Variants in BBS9 observed in about 807,000 individuals in gnomAD.
BBS9 encodes the protein protein PTHB1.
BBS9 carries 89 observed loss-of-function variants against 117.7 expected under a neutral mutation model. The ratio of observed to expected loss-of-function variants is 0.76; its 90% CI spans 0.64 to 0.90. The LOEUF (loss-of-function observed/expected upper bound fraction) is 0.90. Among genes scored for constraint, BBS9 ranks in the 40% least tolerant of loss-of-function variants. The pLI is 0.00. For synonymous variants in BBS9, 379 were observed against 370.9 expected, an observed-to-expected ratio of 1.02 and a Z score of -0.25; for missense variants, 982 against 1,042.2, an observed-to-expected ratio of 0.94 and a Z score of 0.80.
chr7:33,323,066 T>G (rs981172370), intron 9 of BBS9, among the ~76,000 whole-genome samples: 22 of 152,316 alleles, frequency 1.4e-4, no homozygotes, highest in African/African-American at 4.8e-4. Context: ...TGTTATTGAT[T>G]TCTAGTTTTA....
chr7:33,561,017 C>G (rs142163373), intron 21 of BBS9, among the ~76,000 whole-genome samples: 13 of 152,272 alleles, frequency 8.5e-5, no homozygotes, highest in African/African-American at 3.1e-4. Context: ...GCCTTTTTCT[C>G]CTTATGCTAC....
chr7:33,156,635 C>T (rs1003823219), intron 4 of BBS9, among the ~76,000 whole-genome samples: 1 of 152,086 alleles, frequency 6.6e-6, no homozygotes, highest in African/African-American at 2.4e-5. Context: ...GGTAACCTGG[C>T]GTGGTATATG....
intron 8 of BBS9, 54 bp from the exon 9 acceptor site, chr7:33,273,773 C>T (rs1299807601): frequency 1.9e-6 from 3 of 1,548,684 alleles, no homozygotes; most frequent in Non-Finnish European, 1.8e-6. Flanking sequence ...AAGAGATATA[C>T]TTTTCCAAAT....
intron 19 of BBS9, among the ~76,000 whole-genome samples, chr7:33,399,501 C>T (rs1360450118): frequency 3.9e-5 from 6 of 152,186 alleles, no homozygotes; most frequent in Non-Finnish European, 7.3e-5. Flanking sequence ...TGAGCTTCAC[C>T]TTCTTCACTT....
chr7:33,487,159 C>T (rs1424968835), intron 19 of BBS9, among the ~76,000 whole-genome samples: 1 of 152,176 alleles, frequency 6.6e-6, no homozygotes, highest in East Asian at 1.9e-4. Context: ...CCAATCTTTA[C>T]TCTTAAATAG....
At chr7:33,247,753 T>A (rs1795580734) in intron 5 of BBS9, among the ~76,000 whole-genome samples, 7 of 152,216 alleles carry the variant, frequency 4.6e-5, no homozygotes, top group Admixed American at 4.6e-4. Context: ...ATTTGTTGAA[T>A]GAATATGAGT....
chr7:33,318,341 TGAAA>T (rs879896053), intron 9 of BBS9, among the ~76,000 whole-genome samples: 2 of 152,150 alleles, frequency 1.3e-5, no homozygotes, highest in Admixed American at 6.5e-5. Flanking sequence ...TGGTCCTTCT[TGAAA>T]GAAGCTTTTA....
chr7:33,300,076 G>A (rs1342569483), intron 9 of BBS9, among the ~76,000 whole-genome samples: 1 of 152,176 alleles, frequency 6.6e-6, no homozygotes, highest in African/African-American at 2.4e-5. Context: ...ATCTGAAAGG[G>A]CCAGAGAAGG....
intron 21 of BBS9, among the ~76,000 whole-genome samples, chr7:33,626,009 T>C (rs1364771615): frequency 1.3e-5 from 2 of 152,214 alleles, no homozygotes; most frequent in East Asian, 1.9e-4. Context: ...GGTTTGGATT[T>C]GTGTCCCCAC....
chr7:33,424,033 A>G (rs1011112717), intron 19 of BBS9, among the ~76,000 whole-genome samples: 2 of 152,208 alleles, frequency 1.3e-5, no homozygotes, highest in African/African-American at 2.4e-5. Context: ...TCCGGCCACC[A>G]GCAATACAGT....
chr7:33,500,899 A>G (rs1372671659), intron 19 of BBS9, among the ~76,000 whole-genome samples: 1 of 152,186 alleles, frequency 6.6e-6, no homozygotes, highest in Non-Finnish European at 1.5e-5. Context: ...TTACTTTGGC[A>G]TCAACTGATA....
chr7:33,482,784 A>G (rs1842662629), intron 19 of BBS9, among the ~76,000 whole-genome samples: 1 of 152,294 alleles, frequency 6.6e-6, no homozygotes, highest in South Asian at 2.1e-4. Flanking sequence ...TGATTTTCAG[A>G]GGAAAGGTCC....
chr7:33,154,209 TCTACTAGTAGAG>T (rs1273440388), intron 3 of BBS9, among the ~76,000 whole-genome samples: 2 of 152,222 alleles, frequency 1.3e-5, no homozygotes, highest in African/African-American at 4.8e-5. Flanking sequence ...ATTTGCATTT[TCTACTAGTAGAG>T]CAAATGATGA....
rs534297024 is a variant in BBS9, at chr7:33,199,385, C to T, written c.442+21794C>T. 5.3e-5 allele frequency among the ~76,000 whole-genome samples: 8 copies of T among 152,000 alleles called. No homozygotes were observed. In the East Asian group the frequency reaches 1.5e-3, roughly 29 times the overall value. On this transcript the variant is annotated intron_variant, in intron 5 of 22. Transcript: ENST00000242067. The stretch of plus-strand genomic sequence containing the variant: ...CTCTAATATGCCTGAAACATATTTC[C>T]TGTAAATTTCCCCCAGTTTCAAGAT...
chr7:33,304,320 G>A (rs1192977179), intron 9 of BBS9, among the ~76,000 whole-genome samples: 2 of 143,952 alleles, frequency 1.4e-5, no homozygotes, highest in African/African-American at 2.6e-5. Flanking sequence ...CCCCGTCTGG[G>A]AAGTGAGGAG....
chr7:33,132,504 A>G (rs1789778945), intron 1 of BBS9, among the ~76,000 whole-genome samples: 1 of 152,220 alleles, frequency 6.6e-6, no homozygotes, highest in African/African-American at 2.4e-5. Context: ...AGCAACTGGA[A>G]ATCAACACTG....
chr7:33,345,042 A>G (rs544994206), intron 12 of BBS9, among the ~76,000 whole-genome samples: 71 of 152,336 alleles, frequency 4.7e-4, no homozygotes, highest in African/African-American at 1.1e-3. Context: ...GGGGATGGTA[A>G]TATCTTTCTT....
chr7:33,404,386 C>A (rs904580206), intron 19 of BBS9, among the ~76,000 whole-genome samples: 3 of 152,074 alleles, frequency 2.0e-5, no homozygotes, highest in Admixed American at 2.0e-4. Flanking sequence ...TGAAGAAAGT[C>A]ATTGGTAGCT....
chr7:33,530,357 T>C (rs1201324216), intron 20 of BBS9, among the ~76,000 whole-genome samples: 2 of 152,264 alleles, frequency 1.3e-5, no homozygotes, highest in Non-Finnish European at 2.9e-5. Context: ...TCTGTAGTAC[T>C]CTGTATTAAC....
Sources: gnomAD v4.1 joint callset for allele counts (sites outside exome capture counted in the v4.1 genomes callset) on GRCh38, gnomAD v4.1.1 for gene constraint, MANE v1.5 for transcripts, NCBI Gene and HGNC (gene_info 2026-07-23, HGNC 2026-07-21) for gene names.